NCOR2: variants seen among roughly 807,000 people sequenced by gnomAD.
NCOR2 encodes nuclear receptor corepressor 2.
A neutral mutation model predicts 262.9 loss-of-function variants in NCOR2; 81 were observed. The ratio of observed to expected loss-of-function variants is 0.31; its 90% CI spans 0.26 to 0.37. NCOR2 has a LOEUF of 0.37. Among genes scored for constraint, NCOR2 ranks in the 10% least tolerant of loss-of-function variants. The pLI is 1.00. For synonymous variants in NCOR2, 1,659 were observed against 1,559.3 expected (o/e 1.06, Z -1.51); for missense variants, 3,385 against 3,621.4 (o/e 0.93, Z 1.68).
chr12:124,445,932 A>C (rs952931025), intron 7 of NCOR2, among the ~76,000 whole-genome samples: 1 of 152,256 alleles, frequency 6.6e-6, no homozygotes, highest in Non-Finnish European at 1.5e-5. Context: ...ACTGAGCCCT[A>C]GAGGGCAAGT....
rs2048884320 is a variant in NCOR2, at chr12:124,503,671, A to ATGGATGG, written c.-117-8304_-117-8303insCCATCCA. Among the ~76,000 whole-genome samples the ATGGATGG allele has an allele frequency of 9.8e-5, 12 of 122,118 alleles. No individual in the cohort carries two copies. Among genetic ancestry groups the ATGGATGG allele is most frequent in the Non-Finnish European group, 1.9e-4 (11 of 57,578 alleles). The allele number at this position is 122,118 out of a possible 152,430, so 80.1% of individuals were successfully genotyped here. ...GGATGGATGGATGGATGGACGGGTG[A>ATGGATGG]ATGGATGGATGGATGGATGGATGGA... On this transcript the variant is annotated intron_variant, in intron 1 of 46. Transcript: ENST00000404621. The surrounding 1 kb of genome is among the most constrained non-coding windows in gnomAD (Gnocchi z 4.3).
chr12:124,450,661 AAG>A lies in NCOR2; in HGVS notation c.763-796_763-795del, dbSNP rs1279165446. On this transcript the variant is annotated intron_variant, in intron 6 of 46. Transcript: ENST00000405201. ...CACATGTAGCAAGCACAGGGCTTCA[AAG>A]AGCGTACCAGGAGACGCAGAAAGCA... Among the ~76,000 whole-genome samples, 7 of 152,306 alleles carry A rather than the reference AAG, an allele frequency of 4.6e-5. 1 individual carries two copies. Among genetic ancestry groups the A allele is most frequent in the African/African-American group, 1.7e-4 (7 of 41,558 alleles).
chr12:124,475,842 T>C (rs996058565), intron 3 of NCOR2, among the ~76,000 whole-genome samples: 2 of 152,108 alleles, frequency 1.3e-5, no homozygotes, highest in Non-Finnish European at 2.9e-5. Context: ...CACACATCTG[T>C]TCACCCCACA....
chr12:124,372,429 A>C (rs780930680), exon 20 of NCOR2: 3 of 1,353,146 alleles, frequency 2.2e-6, no homozygotes, highest in South Asian at 1.3e-5. Flanking sequence ...CGGTGGCTTC[A>C]GAGGCCGGGG....
chr12:124,530,573 T>C (rs1422468158), intron 1 of NCOR2, among the ~76,000 whole-genome samples: 1 of 152,216 alleles, frequency 6.6e-6, no homozygotes, highest in Non-Finnish European at 1.5e-5. Context: ...TGCTGGTTCC[T>C]AAACTGGCCC....
chr12:124,431,387 GACAC>G (rs1009677091), intron 8 of NCOR2, among the ~76,000 whole-genome samples: 1 of 150,166 alleles, frequency 6.7e-6, no homozygotes, highest in African/African-American at 2.5e-5. Flanking sequence ...TCACATGGCA[GACAC>G]ACAGACAGAT....
intron 1 of NCOR2, among the ~76,000 whole-genome samples, chr12:124,501,897 G>A: frequency 6.6e-6 from 1 of 152,196 alleles, no homozygotes; most frequent in East Asian, 1.9e-4. Flanking sequence ...CAAAACCACT[G>A]CAGCCAGTCT....
At chr12:124,495,681 C>G (rs2048342477), upstream of NCOR2, among the ~76,000 whole-genome samples, 1 of 152,202 alleles carries the variant, frequency 6.6e-6, no homozygotes, top group African/African-American at 2.4e-5. This position sits in a 1 kb window ranked among gnomAD's most constrained non-coding sequence, Gnocchi z 4.4. Flanking sequence ...CTCCCAGCCC[C>G]CCTAAGCCCA....
chr12:124,406,396 C>T (rs1047492432), intron 13 of NCOR2, among the ~76,000 whole-genome samples: 3 of 152,178 alleles, frequency 2.0e-5, no homozygotes, highest in South Asian at 2.1e-4. Context: ...GCATTTCTAA[C>T]CTGCGCCAGG....
At chr12:124,396,885 A>G (rs891220067) in intron 16 of NCOR2, among the ~76,000 whole-genome samples, 6 of 152,174 alleles carry the variant, frequency 3.9e-5, no homozygotes, top group Non-Finnish European at 5.9e-5. Context: ...CGTTTGCTAT[A>G]AAGGGCCTTT....
At chr12:124,526,883 C>CT (rs751834236) in intron 1 of NCOR2, among the ~76,000 whole-genome samples, 1 of 152,168 alleles carries the variant, frequency 6.6e-6, no homozygotes, top group Non-Finnish European at 1.5e-5. Flanking sequence ...CTCCCTGAGC[C>CT]TCAGTTTCTC....
intron 20 of NCOR2, among the ~76,000 whole-genome samples, chr12:124,367,834 A>G (rs2039159022): frequency 6.6e-6 from 1 of 152,132 alleles, no homozygotes. Context: ...GGCTTTCACT[A>G]TGTTGGTCAG....
chr12:124,550,872 C>A (rs1395123181), intron 1 of NCOR2, among the ~76,000 whole-genome samples: 2 of 152,202 alleles, frequency 1.3e-5, no homozygotes, highest in African/African-American at 4.8e-5. Flanking sequence ...CACCCAGGCA[C>A]CCAGAGGTGC....
chr12:124,550,813 C>G (rs1482216015), intron 1 of NCOR2, among the ~76,000 whole-genome samples: 2 of 152,210 alleles, frequency 1.3e-5, no homozygotes, highest in Non-Finnish European at 2.9e-5. Flanking sequence ...GTGGAGCACC[C>G]CTGGCATCAC....
At position 124,519,027 on chromosome 12, in the gene NCOR2, C is replaced by A. The variant is rs1351809325; in HGVS notation, c.-118+16538G>T. Among the ~76,000 whole-genome samples the A allele has an allele frequency of 2.0e-5, 3 of 151,220 alleles. No homozygotes were observed. In the Admixed American group the frequency reaches 2.0e-4, roughly 10 times the overall value. On this transcript the variant is annotated intron_variant, in intron 1 of 46. Coordinates refer to the NCOR2 transcript ENST00000404621. ...GAAAAGAAAGCGTGACCCCCTCACA[C>A]TGGCATTCTGATCTGGGGTCATCTC...
intron 18 of NCOR2, among the ~76,000 whole-genome samples, chr12:124,375,153 G>T (rs539808543): frequency 3.0e-4 from 46 of 152,316 alleles, no homozygotes; most frequent in Non-Finnish European, 5.3e-4. Context: ...GGAGGGGAGA[G>T]CACTGAGCCC....
intron 25 of NCOR2, 102 bp downstream of exon 27, chr12:124,354,735 C>T (rs1284772939): frequency 2.3e-6 from 3 of 1,332,074 alleles, no homozygotes; most frequent in East Asian, 2.5e-5. Context: ...CAGCTGCTAC[C>T]TGGAGTACCG....
At chr12:124,489,083 C>G (rs561201113) in intron 1 of NCOR2, among the ~76,000 whole-genome samples, 2 of 152,074 alleles carry the variant, frequency 1.3e-5, no homozygotes, top group Admixed American at 1.3e-4. Context: ...GGGACTCCCC[C>G]AACAAGAGTA....
chr12:124,495,384 A>G, upstream of NCOR2: 1 of 1,437,288 alleles, frequency 7.0e-7, no homozygotes, highest in Non-Finnish European at 9.1e-7. This position sits in a 1 kb window ranked among gnomAD's most constrained non-coding sequence, Gnocchi z 4.4. Flanking sequence ...GGAAAACAAG[A>G]AAAGAAAAAC....
Sources: allele counts gnomAD v4.1 joint callset (sites outside exome capture counted in the v4.1 genomes callset), GRCh38; gene constraint gnomAD v4.1.1; non-coding constraint Gnocchi (gnomAD v3.1); transcripts MANE v1.5; gene names NCBI Gene and HGNC (gene_info 2026-07-23, HGNC 2026-07-21).